The following ARHGEF33 variants were observed in gnomAD, a reference collection of about 807,000 sequenced individuals.
ARHGEF33 encodes DH and coiled-coil domain-containing protein ENSP00000381780.
Under a neutral mutation model 101.9 loss-of-function variants are expected in ARHGEF33, and 72 were observed. That is an observed-to-expected ratio of 0.71 (90% CI 0.58 to 0.86). The LOEUF is 0.86. Ranked by LOEUF, ARHGEF33 falls within the 40% of genes least tolerant of loss-of-function variation. The pLI is 0.00. For synonymous variants in ARHGEF33, 499 were observed against 442.5 expected (o/e 1.13, Z -1.60); for missense variants, 1,169 against 1,111.3 (o/e 1.05, Z -0.74).
At chr2:38,890,833 G>A (rs1219574693) in intron 1 of ARHGEF33, among the ~76,000 whole-genome samples, 1 of 151,974 alleles carries the variant, frequency 6.6e-6, no homozygotes, top group Non-Finnish European at 1.5e-5. Flanking sequence ...AGTTTTTGAT[G>A]CACATTTATT....
Position 38,958,076 on chromosome 2 carries a change from T to G in ARHGEF33, c.1413T>G (p.Cys471Trp). ...TGTACAAAGGGCTGGCTTCCCAGTG[T>G]GCCAATGCTGGGCAAGATGCTTCCC... ...AKLYKGLASQ[C>W]ANAGQDASPT... Residue 471 changes from cysteine (C) to tryptophan (W), a missense_variant, in exon 15 of 18, where the codon TGT becomes TGG. Transcript: ENST00000409978. 6.4e-7 allele frequency: 1 copy of G among 1,552,252 alleles called. No individual in the cohort carries two copies. The highest frequency in any genetic ancestry group is 8.7e-7 in the Non-Finnish European group (1 of 1,147,124).
At chr2:38,910,259 T>G (rs1476164115) in intron 2 of ARHGEF33, among the ~76,000 whole-genome samples, 1 of 152,222 alleles carries the variant, frequency 6.6e-6, no homozygotes, top group African/African-American at 2.4e-5. Context: ...GAAAATTATC[T>G]GTTTCATTTA....
chr2:38,965,005 T>A (rs752700916), intron 16 of ARHGEF33, among the ~76,000 whole-genome samples: 3 of 151,922 alleles, frequency 2.0e-5, no homozygotes, highest in Non-Finnish European at 2.9e-5. Context: ...AGAATTTCTG[T>A]ATCTGCAACC....
Position 38,959,892 on chromosome 2 carries a change from G to A in ARHGEF33, c.1587G>A (p.Glu529=), listed in dbSNP as rs768699856. ...GCCAACAGCAGCAAAGCCTGATGGA[G>A]AGCATGCAGCCCGGGAAGCCCAGTG... is the stretch of plus-strand genomic sequence containing the variant. The part of the protein sequence containing the change: ...KKSQQQQSLM[E]SMQPGKPSDW... The change falls in exon 16 of 18, where the codon GAG becomes GAA. Residue 529 remains glutamate, a synonymous_variant. Transcript: ENST00000409978. 17 of 1,551,764 alleles carry A rather than the reference G, an allele frequency of 1.1e-5. No individual in the cohort carries two copies. The highest frequency in any genetic ancestry group is 3.6e-5 in the South Asian group (3 of 83,986).
intron 10 of ARHGEF33, among the ~76,000 whole-genome samples, chr2:38,949,462 C>T (rs911264025): frequency 3.9e-5 from 6 of 152,126 alleles, no homozygotes; most frequent in Non-Finnish European, 8.8e-5. Context: ...GCTAGTCCCC[C>T]TTCCTCTTCC....
Position 38,921,417 on chromosome 2 carries a change from T to C in ARHGEF33, c.69T>C (p.Ile23=). ...HMPVNNPSTQ[I]YQLQALASEL... is the part of the protein sequence containing the mutation. ...CGGTGAATAATCCTTCCACGCAGAT[T>C]TACCAGGTAAAGACAAATCGATTGT... Residue 23 remains isoleucine (I), a synonymous_variant, in exon 4 of 18, where the codon ATT becomes ATC. Transcript: ENST00000409978. 1 of 1,542,098 alleles carries C rather than the reference T, an allele frequency of 6.5e-7. No individual in the cohort carries two copies. The highest frequency in any genetic ancestry group is 8.8e-7 in the Non-Finnish European group (1 of 1,138,220).
intron 4 of ARHGEF33, 139 bp downstream of exon 4, chr2:38,921,562 C>A: frequency 4.6e-6 from 3 of 658,100 alleles, no homozygotes; most frequent in Non-Finnish European, 2.8e-6. Flanking sequence ...GGCTGTGAGA[C>A]AGGCACCTCA....
At chr2:38,905,494 G>T (rs925922860) in intron 2 of ARHGEF33, among the ~76,000 whole-genome samples, 1 of 152,148 alleles carries the variant, frequency 6.6e-6, no homozygotes, top group African/African-American at 2.4e-5. Context: ...ACTTTGAAAC[G>T]CTCCTTATAC....
At chr2:38,961,430 T>TA (rs1667937025) in intron 16 of ARHGEF33, among the ~76,000 whole-genome samples, 1 of 152,148 alleles carries the variant, frequency 6.6e-6, no homozygotes, top group South Asian at 2.1e-4. Flanking sequence ...TGGAGGGCAT[T>TA]TAAAGAGGTC....
chr2:38,973,490 A>C (rs949509199), intron 17 of ARHGEF33, among the ~76,000 whole-genome samples: 1 of 152,118 alleles, frequency 6.6e-6, no homozygotes, highest in African/African-American at 2.4e-5. Flanking sequence ...GACATATACA[A>C]TTGTCACAAT....
At chr2:38,931,634 G>A (rs1003003603) in intron 7 of ARHGEF33, among the ~76,000 whole-genome samples, 1 of 152,186 alleles carries the variant, frequency 6.6e-6, no homozygotes, top group Non-Finnish European at 1.5e-5. Context: ...GAAAACCAGA[G>A]CTGATGCTGC....
chr2:38,946,578 T>C (rs552682796), intron 10 of ARHGEF33, among the ~76,000 whole-genome samples: 5 of 151,682 alleles, frequency 3.3e-5, no homozygotes, highest in Non-Finnish European at 7.4e-5. Flanking sequence ...CCTCCACTCA[T>C]TATCTTTCTT....
At chr2:38,955,311 G>A (rs1377713277) in intron 13 of ARHGEF33, among the ~76,000 whole-genome samples, 1 of 151,988 alleles carries the variant, frequency 6.6e-6, no homozygotes, top group Non-Finnish European at 1.5e-5. Context: ...TTGAAAGAGA[G>A]GTTCACTAAC....
intron 2 of ARHGEF33, 109 bp from the exon 3 acceptor site, chr2:38,919,254 C>T (rs1666703980): frequency 1.9e-6 from 1 of 538,232 alleles, no homozygotes. Context: ...TCTGAAATTG[C>T]ATGTACCTCA....
At chr2:38,972,720 G>A (rs1668192710) in intron 17 of ARHGEF33, among the ~76,000 whole-genome samples, 1 of 152,208 alleles carries the variant, frequency 6.6e-6, no homozygotes, top group African/African-American at 2.4e-5. Context: ...GGACTCAACA[G>A]TAGCAAACCA....
At chr2:38,962,361 T>G (rs892263858) in intron 16 of ARHGEF33, among the ~76,000 whole-genome samples, 1 of 152,202 alleles carries the variant, frequency 6.6e-6, no homozygotes, top group African/African-American at 2.4e-5. Context: ...CAATGTCCTT[T>G]TGTAGTTGAT....
intron 2 of ARHGEF33, among the ~76,000 whole-genome samples, chr2:38,896,621 G>A (rs1471681957): frequency 6.6e-6 from 1 of 152,156 alleles, no homozygotes; most frequent in African/African-American, 2.4e-5. Flanking sequence ...CATAGGCTTA[G>A]GAAGATTAAC....
Position 38,929,711 on chromosome 2 carries a change from A to G in ARHGEF33, c.243A>G (p.Glu81=). The G allele has an allele frequency of 1.3e-6, 2 of 1,550,782 alleles. No individual in the cohort carries two copies. The highest frequency in any genetic ancestry group is 1.7e-6 in the Non-Finnish European group (2 of 1,146,370). The change falls in exon 6 of 18, where the codon GAA becomes GAG. Residue 81 remains glutamate, a splice_region_variant and synonymous_variant. Coordinates refer to ENST00000409978, the MANE Select transcript of ARHGEF33 (RefSeq NM_001145451.5). ...EMKNSLNYFK[E]ELSNAMSMIQ... Reference sequence around the variant, plus strand: ...ACATAGCAATTCTTATTTTTTAGGAAGAGCTGAGCAATGCCATGTCGATGA... The same window carrying G: ...ACATAGCAATTCTTATTTTTTAGGAGGAGCTGAGCAATGCCATGTCGATGA...
chr2:38,968,718 C>T (rs533558378), intron 17 of ARHGEF33, among the ~76,000 whole-genome samples: 146 of 152,254 alleles, frequency 9.6e-4, no homozygotes, highest in Middle Eastern at 6.8e-3. Context: ...ATTTAAAATC[C>T]GAAGTGTTGT....
Sources: gnomAD v4.1 joint callset for allele counts (sites outside exome capture counted in the v4.1 genomes callset) on GRCh38, gnomAD v4.1.1 for gene constraint, MANE v1.5 for transcripts, NCBI Gene and HGNC (gene_info 2026-07-23, HGNC 2026-07-21) for gene names.